PCNX1: variants seen among roughly 807,000 people sequenced by gnomAD.
PCNX1 encodes the protein pecanex-like protein 1.
PCNX1 carries 78 observed loss-of-function variants against 242.2 expected under a neutral mutation model. That is an observed-to-expected ratio of 0.32 (90% CI 0.27 to 0.39). The LOEUF is 0.39. Among genes scored for constraint, PCNX1 ranks in the 10% least tolerant of loss-of-function variants. The probability of loss-of-function intolerance (pLI) is 1.00; values close to 1 mark genes in which losing one functional copy is unlikely to be tolerated. For synonymous variants in PCNX1, 1,024 were observed against 1,032.9 expected, an observed-to-expected ratio of 0.99 and a Z score of 0.17; for missense variants, 2,581 against 2,856.5, an observed-to-expected ratio of 0.90 and a Z score of 2.20.
At chr14:71,031,965 T>C (rs1301550639) in intron 16 of PCNX1, 8 of 1,329,244 alleles carry the variant, frequency 6.0e-6, no homozygotes, top group Non-Finnish European at 8.7e-6. Flanking sequence ...TGGCTCTTTC[T>C]AGGCACTGTG....
intron 1 of PCNX1, among the ~76,000 whole-genome samples, chr14:70,910,216 C>CTCG (rs1250463709): frequency 9.8e-6 from 1 of 101,708 alleles, no homozygotes; most frequent in Non-Finnish European, 2.1e-5. Context: ...CGTCCTCCTC[C>CTCG]TCCTCCTCCT....
Position 71,112,332 on chromosome 14 carries a change from T to C in PCNX1, c.*2397T>C, listed in dbSNP as rs2062767729. 6.6e-6 allele frequency: 1 copy of C among 152,124 alleles called. No homozygotes were observed. The highest frequency in any genetic ancestry group is 1.9e-4 in the East Asian group (1 of 5,202). The allele number at this position is 152,124 out of a possible 1,614,324, so 9.4% of individuals were successfully genotyped here. On this transcript the variant is annotated 3_prime_UTR_variant, in exon 36 of 36. Transcript: ENST00000304743. The stretch of plus-strand genomic sequence containing the variant: ...GGAACATATATGTTGGGTTTTGATT[T>C]TGGGTAGCAATTGACATATATTTTT...
intron 19 of PCNX1, among the ~76,000 whole-genome samples, chr14:71,042,182 G>GA: frequency 6.6e-6 from 1 of 152,094 alleles, no homozygotes; most frequent in Non-Finnish European, 1.5e-5. Context: ...TGTCTGCTAG[G>GA]TCCATTTGTT....
At chr14:71,070,574 C>G (rs183966491) in intron 26 of PCNX1, among the ~76,000 whole-genome samples, 22 of 152,202 alleles carry the variant, frequency 1.4e-4, no homozygotes, top group Non-Finnish European at 2.8e-4. Flanking sequence ...CTTGGGTGAT[C>G]AGGTGCATTG....
At position 71,026,232 on chromosome 14, in the gene PCNX1, A is replaced by G. The variant is rs2060240401; in HGVS notation, c.3299A>G (p.Tyr1100Cys). The G allele has an allele frequency of 6.2e-7, 1 of 1,612,154 alleles. No homozygotes were observed. The highest frequency in any genetic ancestry group is 8.5e-7 in the Non-Finnish European group (1 of 1,178,920). Residue 1100 changes from tyrosine to cysteine, a missense_variant, in exon 14 of 36, where the codon TAT becomes TGT. By Grantham distance (194) the Tyr-to-Cys change is radical. Around this residue, in one of 9 missense-constraint regions of PCNX1, gnomAD observed 432 missense variants for 443.1 expected, o/e 0.97. Transcript: ENST00000304743. ...CTGACTGCAACCAAGTTCAAATTAT[A>G]TGGAATAACTTTCACCAATCCACTG... ...RNLTATKFKL[Y>C]GITFTNPLVF...
chr14:71,098,178 G>A (rs913819507), intron 30 of PCNX1, among the ~76,000 whole-genome samples: 4 of 152,084 alleles, frequency 2.6e-5, no homozygotes, highest in Admixed American at 2.6e-4. Context: ...TGCTATTTTG[G>A]TCACTGTAGC....
intron 26 of PCNX1, among the ~76,000 whole-genome samples, chr14:71,062,360 T>A (rs753324736): frequency 6.6e-6 from 1 of 151,742 alleles, no homozygotes; most frequent in African/African-American, 2.4e-5. Context: ...TGTGTTTGTG[T>A]CTTAGTTTTT....
chr14:71,039,264 T>C (rs995441822), intron 19 of PCNX1, among the ~76,000 whole-genome samples: 2 of 152,120 alleles, frequency 1.3e-5, no homozygotes, highest in African/African-American at 4.8e-5. Context: ...CAAATACTTA[T>C]TTTCTCATGA....
chr14:70,936,294 C>T (rs1055007787), intron 1 of PCNX1, among the ~76,000 whole-genome samples: 4 of 144,280 alleles, frequency 2.8e-5, no homozygotes, highest in Admixed American at 2.8e-4. Flanking sequence ...CCCCACCCCA[C>T]GACAGGCCCT....
intron 16 of PCNX1, chr14:71,031,642 G>A: frequency 1.5e-6 from 1 of 652,660 alleles, no homozygotes; most frequent in South Asian, 1.6e-5. Flanking sequence ...CAGCTCTGTG[G>A]GTGGGACGTC....
In PCNX1 at chr14:71,026,303, A is replaced by G. The variant is rs763001626; in HGVS notation, c.3355+15A>G. ...TTTAGTTATAGGTGAGTCATCTTAAAGTATCTCTAATCTTAAAATTAATTT... is the reference window on the plus strand; with the variant it reads ...TTTAGTTATAGGTGAGTCATCTTAAGGTATCTCTAATCTTAAAATTAATTT... On this transcript the variant is annotated intron_variant, in intron 14 of 35. Transcript: ENST00000304743. 13 of 1,476,234 alleles carry G rather than the reference A, an allele frequency of 8.8e-6. No individual in the cohort carries two copies. The highest frequency in any genetic ancestry group is 1.0e-5 in the Non-Finnish European group (11 of 1,080,208). 91.4% of individuals were successfully genotyped at this position (1,476,234 alleles called of 1,614,324 possible). A position where few individuals can be genotyped will look rare whatever the true frequency, so the allele number is the denominator to read the frequency against.
rs375880805 is a variant in PCNX1 at position 71,033,442 on chromosome 14, G to A, written c.3572G>A (p.Gly1191Asp). 1.8e-5 allele frequency: 29 copies of A among 1,585,788 alleles called. No homozygotes were observed. Among genetic ancestry groups the A allele is most frequent in the Middle Eastern group, 3.3e-4 (2 of 6,020 alleles). The change falls in exon 17 of 36, where the codon GGC (glycine) becomes GAC (aspartate). Residue 1191 changes from glycine (G) to aspartate (D), a missense_variant. This residue lies in a region of PCNX1 where 432 missense variants were observed against 443.1 expected (regional missense o/e 0.97). Transcript: ENST00000304743. ...CYGALKDSWD[G>D]QHIPVLFSIF... ...ATTTTTCCGCAGGATTCTTGGGATG[G>A]CCAGCATATTCCAGTACTTTTCTCC...
At chr14:70,939,240 A>C (rs1249377108) in intron 1 of PCNX1, among the ~76,000 whole-genome samples, 3 of 152,140 alleles carry the variant, frequency 2.0e-5, no homozygotes, top group Non-Finnish European at 4.4e-5. Flanking sequence ...TCAATTTTAG[A>C]TCTTTCCTGC....
chr14:70,954,673 A>G (rs1213459693), intron 2 of PCNX1, among the ~76,000 whole-genome samples: 3 of 152,142 alleles, frequency 2.0e-5, no homozygotes, highest in African/African-American at 7.2e-5. Flanking sequence ...AATCTTATTA[A>G]ACCCCCTTAT....
Position 71,026,152 on chromosome 14 carries a change from T to G in PCNX1, c.3219T>G (p.Val1073=). 6.2e-7 allele frequency: 1 copy of G among 1,609,994 alleles called. No individual in the cohort carries two copies. The highest frequency in any genetic ancestry group is 8.5e-7 in the Non-Finnish European group (1 of 1,177,632). ...HNRIIAYSRP[V]YFCICCGLIW... The stretch of plus-strand genomic sequence containing the variant: ...GTATCATTGCCTACAGTAGACCAGT[T>G]TATTTCTGCATATGTTGCGGTCTTA... Residue 1073 remains valine (V), a synonymous_variant, in exon 14 of 36, where the codon GTT becomes GTG. Transcript: ENST00000304743.
At chr14:70,949,120 G>T (rs1595000958) in intron 2 of PCNX1, among the ~76,000 whole-genome samples, 1 of 134,584 alleles carries the variant, frequency 7.4e-6, no homozygotes, top group African/African-American at 2.6e-5. Flanking sequence ...ACGTATATGT[G>T]TATATATGTA....
rs1482431934 is a variant in PCNX1, at chr14:71,108,915, C to G, written c.6613C>G (p.His2205Asp). The G allele has an allele frequency of 6.2e-7, 1 of 1,614,122 alleles. No homozygotes were observed. The highest frequency in any genetic ancestry group is 1.3e-5 in the African/African-American group (1 of 74,938). Residue 2205 changes from histidine (H) to aspartate (D), a missense_variant, in exon 34 of 36, where the codon CAT (histidine) becomes GAT (aspartate). Around this residue, in one of 9 missense-constraint regions of PCNX1, gnomAD observed 432 missense variants for 433.6 expected, o/e 1.00. Coordinates refer to ENST00000304743, the MANE Select transcript of PCNX1 (RefSeq NM_014982.3). Reference protein sequence around the residue: ...SSSQSIPACKHHTLVGFLATE... With the variant: ...SSSQSIPACKDHTLVGFLATE... ...CAGCCAAAGCATCCCAGCCTGCAAA[C>G]ATCACACTCTCGTGGGCTTTCTTGC...
chr14:71,109,370 T>C, intron 34 of PCNX1, 82 bp from the exon 35 acceptor site: 9 of 1,260,270 alleles, frequency 7.1e-6, no homozygotes, highest in Non-Finnish European at 1.0e-5. Flanking sequence ...TTCCTCTCTG[T>C]GAAAAGCATT....
At chr14:71,004,139 T>C (rs2059588262) in intron 8 of PCNX1, among the ~76,000 whole-genome samples, 1 of 152,274 alleles carries the variant, frequency 6.6e-6, no homozygotes, top group African/African-American at 2.4e-5. Context: ...TTATGCCTGC[T>C]TTCATGTTAC....
Sources: allele counts gnomAD v4.1 joint callset (sites outside exome capture counted in the v4.1 genomes callset), GRCh38; gene constraint gnomAD v4.1.1; regional missense constraint gnomAD v4.1.1; transcripts MANE v1.5; gene names NCBI Gene and HGNC (gene_info 2026-07-23, HGNC 2026-07-21).